GRIP2: variants seen among roughly 807,000 people sequenced by gnomAD.
GRIP2 encodes glutamate receptor-interacting protein 2.
In GRIP2, 58 loss-of-function variants were observed where a neutral mutation model predicts 108.3. The observed-to-expected ratio is 0.54, with a 90% confidence interval of 0.43 to 0.67. The LOEUF is 0.67. Among genes scored for constraint, GRIP2 ranks in the 30% least tolerant of loss-of-function variants. The pLI is 0.00. For missense variants in GRIP2, 1,278 were observed against 1,430.6 expected (o/e 0.89, Z 1.72); for synonymous variants, 586 against 598.2 (o/e 0.98, Z 0.30).
At chr3:14,573,897 CTGTCGT>C in the GRIP2 span, 1 of 1,194,332 alleles carries the variant, frequency 8.4e-7, no homozygotes, top group South Asian at 1.3e-5. Context: ...GCAGCCCGAC[CTGTCGT>C]TGTGCATGCA....
chr3:14,565,952 C>G, the GRIP2 span, among the ~76,000 whole-genome samples: 1 of 152,232 alleles, frequency 6.6e-6, no homozygotes, highest in Non-Finnish European at 1.5e-5. Flanking sequence ...TCACTCATAG[C>G]TTGCTAGTGG....
intron 1 of GRIP2, among the ~76,000 whole-genome samples, chr3:14,550,667 G>A (rs144853244): frequency 2.2e-3 from 337 of 152,260 alleles, no homozygotes; most frequent in African/African-American, 7.7e-3. Context: ...TAGGGCTTGC[G>A]GTCTTTAGGG....
rs149127597 is a variant in GRIP2, at chr3:14,534,941, G to C, written c.40+5328C>G. Reference sequence around the variant, plus strand: ...GGTGGCTGGAAAGAAGCGTGGGGGAGTGGGTGGGACTATAAAGTCAGCCGG... The same window carrying C: ...GGTGGCTGGAAAGAAGCGTGGGGGACTGGGTGGGACTATAAAGTCAGCCGG... On this transcript the variant is annotated intron_variant, in intron 1 of 23. Coordinates refer to ENST00000621039, the MANE Select transcript of GRIP2 (RefSeq NM_001080423.4). 4.1e-4 allele frequency among the ~76,000 whole-genome samples: 62 copies of C among 152,294 alleles called. No individual in the cohort carries two copies. The East Asian group carries it at 0.012, about 29-fold the overall frequency.
chr3:14,594,478 CCCTCA>C, the GRIP2 span, among the ~76,000 whole-genome samples: 2 of 152,188 alleles, frequency 1.3e-5, no homozygotes, highest in African/African-American at 4.8e-5. Context: ...AAGAGGCGCT[CCCTCA>C]CCTTGCCTGA....
At chr3:14,541,916 C>T (rs1314131041), upstream of GRIP2, 10 of 1,344,656 alleles carry the variant, frequency 7.4e-6, no homozygotes, top group Non-Finnish European at 9.9e-6. Context: ...GGGAGAGGCT[C>T]GCCATGAAGA....
intron 8 of GRIP2, 28 bp from the exon 9 acceptor site, chr3:14,520,307 G>T (rs747803640): frequency 3.1e-6 from 5 of 1,611,626 alleles, no homozygotes; most frequent in African/African-American, 1.3e-5. Context: ...TGAAGGCGGA[G>T]GCTGGTCCAG....
chr3:14,551,029 G>T (rs140052105), intron 1 of GRIP2, among the ~76,000 whole-genome samples: 13 of 152,322 alleles, frequency 8.5e-5, no homozygotes, highest in East Asian at 3.9e-4. Flanking sequence ...TGAGCGGGAG[G>T]GGGGAGGCAG....
At position 14,511,335 on chromosome 3, in the gene GRIP2, A is replaced by G; in HGVS notation, c.1788-25T>C. The G allele has an allele frequency of 1.2e-6, 2 of 1,613,884 alleles. No individual in the cohort carries two copies. Among genetic ancestry groups the G allele is most frequent in the Non-Finnish European group, 1.7e-6 (2 of 1,179,844 alleles). On this transcript the variant is annotated intron_variant, in intron 15 of 23. Coordinates refer to ENST00000621039, the MANE Select transcript of GRIP2 (RefSeq NM_001080423.4). This position sits in a 1 kb window ranked among gnomAD's most constrained non-coding sequence, Gnocchi z 4.1. ...CCTGCATGAGTCGGGGGCAGAGGGG[A>G]TGGAAGGAGCCTGGTGCATGCAGGT...
the GRIP2 span, among the ~76,000 whole-genome samples, chr3:14,566,523 G>C: frequency 6.6e-6 from 1 of 152,260 alleles, no homozygotes; most frequent in South Asian, 2.1e-4. Flanking sequence ...CAGAACTACA[G>C]ACAGAAGCCA....
At chr3:14,549,208 C>A (rs1695104460) in intron 1 of GRIP2, among the ~76,000 whole-genome samples, 1 of 152,220 alleles carries the variant, frequency 6.6e-6, no homozygotes, top group Non-Finnish European at 1.5e-5. Context: ...GGAAAGAAAT[C>A]AACAATTCAT....
intron 19 of GRIP2, 22 bp downstream of exon 19, chr3:14,506,779 T>A (rs1412679997): frequency 6.4e-7 from 1 of 1,561,492 alleles, no homozygotes; most frequent in African/African-American, 1.4e-5. Flanking sequence ...GTGCCACTTG[T>A]CCAAGGGCCC....
intron 23 of GRIP2, 68 bp downstream of exon 23, chr3:14,494,775 G>A: frequency 1.3e-6 from 2 of 1,519,794 alleles, no homozygotes; most frequent in Non-Finnish European, 1.8e-6. Flanking sequence ...ATAGATGCAG[G>A]CTCTTTCCCC....
intron 9 of GRIP2, among the ~76,000 whole-genome samples, chr3:14,519,542 G>T (rs1313853503): frequency 6.6e-6 from 1 of 152,220 alleles, no homozygotes; most frequent in Non-Finnish European, 1.5e-5. Context: ...TGGGCTGCTG[G>T]ACGTGCTTTC....
intron 12 of GRIP2, among the ~76,000 whole-genome samples, chr3:14,514,013 A>C (rs887977246): frequency 2.0e-5 from 3 of 152,230 alleles, no homozygotes; most frequent in African/African-American, 4.8e-5. Context: ...TGTCTGTCCA[A>C]TGGGGATGAT....
At chr3:14,561,122 CAGGCTCCCCT>C in the GRIP2 span, among the ~76,000 whole-genome samples, 1 of 152,224 alleles carries the variant, frequency 6.6e-6, no homozygotes, top group Non-Finnish European at 1.5e-5. Context: ...CCACACCTGC[CAGGCTCCCCT>C]GTGCTCCCCA....
In GRIP2 at chr3:14,493,924, C is replaced by T. The variant is rs1422118062; in HGVS notation, c.2971-98G>A. ...TGATGTCCTAAAGATGGGTCCTGCC[C>T]CAGCCTTGACGCAAGCCCTGACATC... On this transcript the variant is annotated intron_variant, in intron 23 of 23. Coordinates refer to ENST00000621039, the MANE Select transcript of GRIP2 (RefSeq NM_001080423.4). 3 of 1,322,824 alleles carry T rather than the reference C, an allele frequency of 2.3e-6. No individual in the cohort carries two copies. The Admixed American group carries it at 7.0e-5, about 31-fold the overall frequency. The allele number at this position is 1,322,824 out of a possible 1,614,324, so 81.9% of individuals were successfully genotyped here. A position where few individuals can be genotyped will look rare whatever the true frequency, so the allele number is the denominator to read the frequency against.
chr3:14,499,742 T>A (rs1002763243), intron 21 of GRIP2, among the ~76,000 whole-genome samples: 2 of 151,604 alleles, frequency 1.3e-5, no homozygotes, highest in African/African-American at 4.9e-5. Flanking sequence ...TGAAACTCCA[T>A]CTCGAAAAAA....
At chr3:14,566,116 C>G in the GRIP2 span, among the ~76,000 whole-genome samples, 1 of 152,204 alleles carries the variant, frequency 6.6e-6, no homozygotes, top group Non-Finnish European at 1.5e-5. Context: ...TGATCTTTCT[C>G]CAGGTCAGCA....
chr3:14,532,872 TG>T (rs1343856950), intron 1 of GRIP2, among the ~76,000 whole-genome samples: 3 of 152,226 alleles, frequency 2.0e-5, no homozygotes, highest in South Asian at 2.1e-4. Context: ...GAGTCAGTGT[TG>T]CTGGTCAACT....
Sources: allele counts gnomAD v4.1 joint callset (sites outside exome capture counted in the v4.1 genomes callset), GRCh38; gene constraint gnomAD v4.1.1; non-coding constraint Gnocchi (gnomAD v3.1); transcripts MANE v1.5; gene names NCBI Gene and HGNC (gene_info 2026-07-23, HGNC 2026-07-21).